The following C5 variants were observed in gnomAD, a reference collection of about 807,000 sequenced individuals.
The protein encoded by C5 is C3 and PZP-like alpha-2-macroglobulin domain-containing protein 4.
C5 carries 140 observed loss-of-function variants against 218.8 expected under a neutral mutation model. The observed-to-expected ratio is 0.64, with a 90% CI of 0.56 to 0.74. The LOEUF is 0.74. Among genes scored for constraint, C5 ranks in the 30% least tolerant of loss-of-function variants. The pLI is 0.00. For synonymous variants in C5, 614 were observed against 682.3 expected (o/e 0.90, Z 1.56); for missense variants, 1,700 against 1,969.6 (o/e 0.86, Z 2.59).
In C5 at chr9:121,021,509, A is replaced by G. The variant is rs1464828523; in HGVS notation, c.1302T>C (p.Asn434=). 2.2e-5 allele frequency: 35 copies of G among 1,611,734 alleles called. No individual in the cohort carries two copies. The highest frequency in any genetic ancestry group is 3.0e-5 in the Non-Finnish European group (35 of 1,177,976). ...LPSGVTVLEF[N]VKTDAPDLPE... ...AATACAACAGGAGAATTCAGCTCAC[A>G]TTAAACTCCAGCACCGTCACTCCAG... The change falls in exon 11 of 41, where the codon AAT becomes AAC. Residue 434 remains asparagine, a splice_region_variant and synonymous_variant. Coordinates refer to ENST00000223642, the MANE Select transcript of C5 (RefSeq NM_001735.3).
intron 25 of C5, among the ~76,000 whole-genome samples, chr9:120,985,395 A>C (rs575642346): frequency 6.6e-6 from 1 of 152,302 alleles, no homozygotes; most frequent in African/African-American, 2.4e-5. Flanking sequence ...AATCTGGCAA[A>C]ATCTGATGAA....
chr9:120,979,265 C>G (rs915466161), intron 28 of C5, among the ~76,000 whole-genome samples: 2 of 152,166 alleles, frequency 1.3e-5, no homozygotes, highest in Non-Finnish European at 2.9e-5. Flanking sequence ...GGAATTGCTT[C>G]TTCACCTCCT....
chr9:121,046,476 T>G (rs1363515433), intron 1 of C5, 93 bp from the exon 2 acceptor site: 10 of 828,146 alleles, frequency 1.2e-5, no homozygotes, highest in Non-Finnish European at 2.1e-5. Flanking sequence ...AGATTCCATT[T>G]AAAATACATA....
At chr9:121,074,574 G>T in the C5 span, among the ~76,000 whole-genome samples, 1 of 152,220 alleles carries the variant, frequency 6.6e-6, no homozygotes, top group Admixed American at 6.5e-5. Context: ...CATCAGAAGT[G>T]GGGGAGGCCG....
intron 17 of C5, 34 bp from the exon 18 acceptor site, chr9:121,008,532 A>G (rs374958754): frequency 3.4e-6 from 5 of 1,468,246 alleles, no homozygotes; most frequent in Non-Finnish European, 4.8e-6. Flanking sequence ...TTATGGAAAA[A>G]CAATATAAAT....
intron 22 of C5, among the ~76,000 whole-genome samples, chr9:120,995,027 T>C (rs2131720403): frequency 6.6e-6 from 1 of 151,976 alleles, no homozygotes; most frequent in South Asian, 2.1e-4. Context: ...TCTCTACCCA[T>C]AGATCATTCA....
At chr9:120,961,665 T>C (rs2046828588) in intron 36 of C5, 100 bp from the exon 37 acceptor site, 3 of 783,664 alleles carry the variant, frequency 3.8e-6, no homozygotes, top group Middle Eastern at 2.3e-4. Context: ...AGATTGCTTA[T>C]TTTAAACCCT....
chr9:120,952,756 A>G lies in C5; in HGVS notation c.5014T>C (p.Phe1672Leu). The G allele has an allele frequency of 6.2e-7, 1 of 1,613,508 alleles. No individual in the cohort carries two copies. Among genetic ancestry groups the G allele is most frequent in the Non-Finnish European group, 8.5e-7 (1 of 1,179,770 alleles). ...ANLDEFAEDI[F>L]LNGC The stretch of plus-strand genomic sequence containing the variant: ...CAGGAATTTTAGCATCCATTTAAAA[A>G]GATATCTTCGGCAAATTCATCTAAA... The change falls in exon 41 of 41, where the codon TTT becomes CTT. Residue 1672 changes from phenylalanine to leucine, a missense_variant. Physicochemically the swap from Phe to Leu is conservative, Grantham distance 22 (BLOSUM62 0). Transcript: ENST00000223642.
At chr9:121,057,332 CTG>C in the C5 span, among the ~76,000 whole-genome samples, 41 of 152,220 alleles carry the variant, frequency 2.7e-4, no homozygotes, top group Middle Eastern at 3.4e-3. Flanking sequence ...TAATGTAACA[CTG>C]TAATTGCAGT....
the C5 span, among the ~76,000 whole-genome samples, chr9:121,070,554 A>G: frequency 2.0e-5 from 3 of 151,598 alleles, no homozygotes; most frequent in African/African-American, 7.3e-5. Context: ...ATAAAAAAGA[A>G]TGAAATACTG....
rs767274898 is a variant in C5, at chr9:121,016,341, C to G, written c.1909G>C (p.Gly637Arg). Reference protein sequence around the residue: ...LEKSDLGCGAGGGLNNANVFH... With the variant: ...LEKSDLGCGARGGLNNANVFH... ...ACATTGGCATTGTTGAGGCCACCAC[C>G]TGCCCCACAGCCCAGATCACTCTTC... Residue 637 changes from glycine (G) to arginine (R), a missense_variant, in exon 15 of 41, where the codon GGT (glycine) becomes CGT (arginine). Gly to Arg is a moderately radical substitution (Grantham distance 125). Transcript: ENST00000223642. 2 of 1,613,988 alleles carry G rather than the reference C, an allele frequency of 1.2e-6. No individual in the cohort carries two copies. Among genetic ancestry groups the G allele is most frequent in the East Asian group, 4.5e-5 (2 of 44,892 alleles).
chr9:121,025,850 A>G (rs1039866408), intron 8 of C5: 3 of 352,538 alleles, frequency 8.5e-6, no homozygotes, highest in Non-Finnish European at 1.6e-5. Flanking sequence ...ACTTCTTCCA[A>G]TTCCTGCGTC....
intron 20 of C5, among the ~76,000 whole-genome samples, chr9:121,003,837 C>G (rs2047192258): frequency 6.6e-6 from 1 of 152,070 alleles, no homozygotes; most frequent in South Asian, 2.1e-4. Flanking sequence ...ACTATTAAGC[C>G]AATTGAGAGA....
In C5 at chr9:120,991,249, G is replaced by A. The variant is rs1229631561; in HGVS notation, c.2883C>T (p.Tyr961=). ...GTISRRKEFP[Y]RIPLDLVPKT... is the part of the protein sequence containing the mutation. ...TGGGGACCAAATCTAAGGGTATCCT[G>A]TATGGGAACTCCTTTCGTCTGCTAA... The change falls in exon 23 of 41, where the codon TAC becomes TAT. Residue 961 remains tyrosine, a synonymous_variant. Coordinates refer to ENST00000223642, the MANE Select transcript of C5 (RefSeq NM_001735.3). The A allele has an allele frequency of 1.2e-6, 2 of 1,610,788 alleles. No homozygotes were observed. The highest frequency in any genetic ancestry group is 8.5e-7 in the Non-Finnish European group (1 of 1,177,094).
upstream of C5, among the ~76,000 whole-genome samples, chr9:121,052,553 G>A (rs1306712851): frequency 6.6e-6 from 1 of 150,734 alleles, no homozygotes; most frequent in Non-Finnish European, 1.5e-5. Flanking sequence ...ATTTCTAAAA[G>A]AGAAGAAACT....
At chr9:121,043,858 T>C (rs1398672927) in intron 2 of C5, among the ~76,000 whole-genome samples, 1 of 152,062 alleles carries the variant, frequency 6.6e-6, no homozygotes, top group Non-Finnish European at 1.5e-5. Flanking sequence ...GTCCAGCATC[T>C]CTGGACCCTT....
intron 30 of C5, among the ~76,000 whole-genome samples, chr9:120,973,002 G>T (rs2046926235): frequency 6.6e-6 from 1 of 152,152 alleles, no homozygotes; most frequent in South Asian, 2.1e-4. Flanking sequence ...CACACCCAGA[G>T]TCACCACACT....
intron 12 of C5, 45 bp from the exon 13 acceptor site, chr9:121,017,897 AC>A: frequency 8.1e-7 from 1 of 1,227,454 alleles, no homozygotes; most frequent in Non-Finnish European, 1.2e-6. Flanking sequence ...AAATAAACAA[AC>A]AAAAACAAAA....
In C5 at chr9:120,963,694, G is replaced by T. The variant is rs753247621; in HGVS notation, c.4265C>A (p.Ala1422Glu). Residue 1422 changes from alanine (A) to glutamate (E), a missense_variant, in exon 34 of 41, where the codon GCG becomes GAG. Coordinates refer to ENST00000223642, the MANE Select transcript of C5 (RefSeq NM_001735.3). ...AGTAGGCAAGGAGATGTCCATCACC[G>T]CATGAGAGGATCCAGATGATGATTC... The part of the protein sequence containing the change: ...REESSSGSSH[A>E]VMDISLPTGI... The T allele has an allele frequency of 1.9e-6, 3 of 1,613,628 alleles. No individual in the cohort carries two copies. Among genetic ancestry groups the T allele is most frequent in the Non-Finnish European group, 2.5e-6 (3 of 1,179,694 alleles).
Sources: allele counts gnomAD v4.1 joint callset (sites outside exome capture counted in the v4.1 genomes callset), GRCh38; gene constraint gnomAD v4.1.1; transcripts MANE v1.5; gene names NCBI Gene and HGNC (gene_info 2026-07-23, HGNC 2026-07-21).